AHCTF1: variants seen among roughly 807,000 people sequenced by gnomAD.
AHCTF1 encodes AT-hook containing transcription factor 1, also known as protein ELYS.
Under a neutral mutation model 248.4 loss-of-function variants are expected in AHCTF1, and 24 were observed. That is an observed-to-expected ratio of 0.10 (90% CI 0.07 to 0.14). The LOEUF is 0.14. AHCTF1 is among the 10% of genes least tolerant of loss of function. AHCTF1 has a pLI of 1.00. For missense variants in AHCTF1, 2,206 were observed against 2,636.2 expected (o/e 0.84, Z 3.57); for synonymous variants, 786 against 929.8 (o/e 0.85, Z 2.81).
chr1:246,876,095 T>C lies in AHCTF1; in HGVS notation c.3030A>G (p.Lys1010=). 1.2e-6 allele frequency: 2 copies of C among 1,609,660 alleles called. No individual in the cohort carries two copies. The highest frequency in any genetic ancestry group is 1.7e-6 in the Non-Finnish European group (2 of 1,178,462). ...AAGGCTTAGCTCGTTCAATGGCTAA[T>C]TTTCGATGGACTCTAGGAAGGATTT... ...YGKILPRVHR[K]LAIERAKPYH... is the part of the protein sequence containing the mutation. Residue 1010 remains lysine (K), a synonymous_variant, in exon 24 of 36, where the codon AAA becomes AAG. Transcript: ENST00000648844.
chr1:246,888,345 C>T (rs1348823610), intron 18 of AHCTF1, 49 bp downstream of exon 18: 3 of 1,612,008 alleles, frequency 1.9e-6, no homozygotes, highest in Admixed American at 3.3e-5. Flanking sequence ...TGTCTCCTCC[C>T]TCCCCAGCTT....
chr1:246,857,791 T>C lies in AHCTF1; in HGVS notation c.4156A>G (p.Lys1386Glu). Residue 1386 changes from lysine (K) to glutamate (E), a missense_variant, in exon 30 of 36, where the codon AAG becomes GAG. By Grantham distance (56) the Lys-to-Glu change is moderately conservative (BLOSUM62 1). Transcript: ENST00000648844. ...QMGNLEDAET[K>E]DLLVAAEAFS... Reference sequence around the variant, plus strand: ...GCCTCTGCTGCAACTAAGAGATCCTTTGTTTCTGCATCTTCTAAATTGCCT... The same window carrying C: ...GCCTCTGCTGCAACTAAGAGATCCTCTGTTTCTGCATCTTCTAAATTGCCT... 6.2e-7 allele frequency: 1 copy of C among 1,612,434 alleles called. No individual in the cohort carries two copies. The highest frequency in any genetic ancestry group is 8.5e-7 in the Non-Finnish European group (1 of 1,178,740).
intron 1 of AHCTF1, among the ~76,000 whole-genome samples, chr1:246,926,944 G>A (rs1314781591): frequency 2.0e-5 from 3 of 152,182 alleles, no homozygotes. Flanking sequence ...GGAGGCTAAG[G>A]CGGGCGGATC....
intron 19 of AHCTF1, 78 bp downstream of exon 19, chr1:246,888,097 GAT>G (rs1256632039): frequency 8.2e-6 from 12 of 1,467,734 alleles, no homozygotes; most frequent in Non-Finnish European, 1.1e-5. Context: ...CTTGCAATTA[GAT>G]ATGTCAGGTT....
chr1:246,907,465 G>T, intron 5 of AHCTF1, 86 bp downstream of exon 5: 1 of 1,203,032 alleles, frequency 8.3e-7, no homozygotes, highest in Non-Finnish European at 1.2e-6. Flanking sequence ...TTCTCACTAT[G>T]CTAACTTTCA....
intron 1 of AHCTF1, among the ~76,000 whole-genome samples, chr1:246,928,227 C>G (rs200194769): frequency 6.7e-6 from 1 of 149,166 alleles, no homozygotes; most frequent in South Asian, 2.1e-4. Context: ...GGCATGAACC[C>G]GGGAGGCGGA....
chr1:246,873,026 A>G (rs1200753581), intron 24 of AHCTF1, among the ~76,000 whole-genome samples: 1 of 152,174 alleles, frequency 6.6e-6, no homozygotes, highest in African/African-American at 2.4e-5. Context: ...TCAGGGGCTC[A>G]GACCCTAAAA....
chr1:246,911,610 A>C (rs138503360), intron 4 of AHCTF1, among the ~76,000 whole-genome samples: 40,529 of 150,136 alleles, frequency 0.27, 5,570 homozygotes, highest in Admixed American at 0.31. Flanking sequence ...CAGCCTCCTG[A>C]GTAGCTGGGA....
chr1:246,876,020 T>C lies in AHCTF1; in HGVS notation c.3088+17A>G, dbSNP rs376786479. On this transcript the variant is annotated intron_variant, in intron 24 of 35. Transcript: ENST00000648844. ...TTTGATCCAATAGATTATGATATTC[T>C]TCAATGAAATTCTTACCTAATCGAA... The C allele has an allele frequency of 3.5e-4, 552 of 1,571,236 alleles. No individual in the cohort carries two copies. Among genetic ancestry groups the C allele is most frequent in the Non-Finnish European group, 4.5e-4 (525 of 1,156,572 alleles).
chr1:246,867,824 G>A lies in AHCTF1; in HGVS notation c.3089-13C>T. 1.3e-6 allele frequency: 2 copies of A among 1,535,550 alleles called. No homozygotes were observed. The highest frequency in any genetic ancestry group is 1.5e-5 in the African/African-American group (1 of 67,104). On this transcript the variant is annotated splice_polypyrimidine_tract_variant and intron_variant, in intron 24 of 35. Coordinates refer to ENST00000648844, the MANE Select transcript of AHCTF1 (RefSeq NM_001323342.2). ...TTGGGTCTAGAAACTGTAAAATGAAGAACGCTGGAATTAAGTGCATCTCTA... is the reference window on the plus strand; with the variant it reads ...TTGGGTCTAGAAACTGTAAAATGAAAAACGCTGGAATTAAGTGCATCTCTA...
chr1:246,869,422 G>A (rs1017969445), intron 24 of AHCTF1, among the ~76,000 whole-genome samples: 47 of 152,266 alleles, frequency 3.1e-4, no homozygotes, highest in African/African-American at 9.9e-4. Context: ...TAGCCAAGTT[G>A]TAAATGCAAA....
intron 20 of AHCTF1, among the ~76,000 whole-genome samples, chr1:246,886,978 ATTAC>A (rs1255537402): frequency 4.6e-5 from 7 of 152,148 alleles, no homozygotes; most frequent in African/African-American, 7.2e-5. Flanking sequence ...AACTATCGTA[ATTAC>A]TTACTTATTA....
chr1:246,912,873 T>A (rs73144246), intron 4 of AHCTF1, among the ~76,000 whole-genome samples: 7,242 of 152,264 alleles, frequency 0.048, 592 homozygotes, highest in African/African-American at 0.16. Flanking sequence ...TAATTTCATA[T>A]TGGCTGATAA....
At chr1:246,903,890 T>C (rs796659823) in intron 7 of AHCTF1, 59 bp downstream of exon 7, 2 of 1,121,302 alleles carry the variant, frequency 1.8e-6, no homozygotes, top group African/African-American at 3.2e-5. Context: ...AAAGACAACA[T>C]ATTTAAAATA....
chr1:246,873,223 T>G (rs962313315), intron 24 of AHCTF1, among the ~76,000 whole-genome samples: 1 of 152,198 alleles, frequency 6.6e-6, no homozygotes, highest in Non-Finnish European at 1.5e-5. Context: ...GAACTCTCTA[T>G]ACTCATTACT....
In AHCTF1 at chr1:246,851,016, T is replaced by C. The variant is rs1558212024; in HGVS notation, c.4990A>G (p.Ile1664Val). The C allele has an allele frequency of 2.5e-6, 4 of 1,613,878 alleles. No homozygotes were observed. Among genetic ancestry groups the C allele is most frequent in the Non-Finnish European group, 3.4e-6 (4 of 1,179,878 alleles). The change falls in exon 33 of 36, where the codon ATT becomes GTT. Residue 1664 changes from isoleucine to valine, a missense_variant. Transcript: ENST00000648844. ...VDTLPYVPEP[I>V]KVAIAENLLD... ...AAATTTTCTGCAATTGCTACTTTAA[T>C]AGGTTCAGGCACATATGGTAAAGTG...
chr1:246,848,230 TTTA>T (rs567811541), intron 33 of AHCTF1, among the ~76,000 whole-genome samples: 5 of 151,732 alleles, frequency 3.3e-5, no homozygotes, highest in Non-Finnish European at 7.4e-5. Context: ...ATCTACTTTA[TTTA>T]TTATTATTAT....
At chr1:246,879,688 C>T (rs993111362) in intron 21 of AHCTF1, among the ~76,000 whole-genome samples, 6 of 151,876 alleles carry the variant, frequency 4.0e-5, no homozygotes, top group Non-Finnish European at 7.4e-5. Flanking sequence ...ATTAGCAAGG[C>T]GTGGTGGTGC....
chr1:246,858,605 A>G (rs1369990091), intron 29 of AHCTF1, among the ~76,000 whole-genome samples: 5 of 151,762 alleles, frequency 3.3e-5, no homozygotes, highest in Non-Finnish European at 5.9e-5. Flanking sequence ...TGAGGCAGGC[A>G]GATCACGAGG....
Sources: gnomAD v4.1 joint callset for allele counts (sites outside exome capture counted in the v4.1 genomes callset) on GRCh38, gnomAD v4.1.1 for gene constraint, MANE v1.5 for transcripts, NCBI Gene and HGNC (gene_info 2026-07-23, HGNC 2026-07-21) for gene names.